The following CDH23 variants were observed in gnomAD, a reference collection of about 807,000 sequenced individuals.
CDH23 encodes cadherin-23.
A neutral mutation model predicts 317.1 loss-of-function variants in CDH23; 189 were observed. That is an observed-to-expected ratio of 0.60 (90% CI 0.53 to 0.67). The LOEUF (loss-of-function observed/expected upper bound fraction) is 0.67, where lower values mean the gene tolerates loss of function less well. Ranked by LOEUF, CDH23 falls within the 30% of genes least tolerant of loss-of-function variation. The pLI, the probability that CDH23 is intolerant of heterozygous loss-of-function variation, is 0.00. For missense variants in CDH23, 4,401 were observed against 4,592.4 expected, an observed-to-expected ratio of 0.96 and a Z score of 1.20; for synonymous variants, 1,839 against 1,876.8, an observed-to-expected ratio of 0.98 and a Z score of 0.52.
intron 24 of CDH23, among the ~76,000 whole-genome samples, chr10:71,703,445 A>C (rs1865666260): frequency 6.6e-6 from 1 of 152,210 alleles, no homozygotes; most frequent in Non-Finnish European, 1.5e-5. Context: ...CATCTGTGAA[A>C]TGGAGATAAT....
At position 71,475,917 on chromosome 10, in the gene CDH23, A is replaced by G. The variant is rs147393360; in HGVS notation, c.145+29522A>G. Among the ~76,000 whole-genome samples, 144 of 152,312 alleles carry G rather than the reference A, an allele frequency of 9.5e-4. 1 individual carries two copies. The highest frequency in any genetic ancestry group is 3.3e-3 in the African/African-American group (137 of 41,570). ...TCTCTGGCTCCATTTCCCATCTGCC[A>G]TGTGGCCTAGGCAGGTTGGCTGCCC... On this transcript the variant is annotated intron_variant, in intron 3 of 69. Transcript: ENST00000224721.
chr10:71,483,898 A>G (rs1336422049), intron 3 of CDH23, among the ~76,000 whole-genome samples: 1 of 151,728 alleles, frequency 6.6e-6, no homozygotes, highest in Non-Finnish European at 1.5e-5. Flanking sequence ...CCCCACACAC[A>G]TGTGCCTGTG....
chr10:71,812,237 C>A, intron 66 of CDH23: 1 of 1,597,192 alleles, frequency 6.3e-7, no homozygotes. Flanking sequence ...GGGATGCAGA[C>A]TTTGGGCAGT....
chr10:71,513,041 A>G (rs1564625288), intron 6 of CDH23, among the ~76,000 whole-genome samples: 1 of 152,154 alleles, frequency 6.6e-6, no homozygotes, highest in Non-Finnish European at 1.5e-5. Context: ...TAATAAAAAC[A>G]AAGGGCAGGT....
At chr10:71,634,666 G>A (rs946608663) in intron 11 of CDH23, among the ~76,000 whole-genome samples, 7 of 152,258 alleles carry the variant, frequency 4.6e-5, no homozygotes, top group African/African-American at 7.2e-5. Context: ...CCCTGGGATC[G>A]TGGGAGGCTG....
chr10:71,788,654 A>G (rs1841163045), intron 44 of CDH23, among the ~76,000 whole-genome samples: 2 of 151,700 alleles, frequency 1.3e-5, no homozygotes, highest in Admixed American at 6.6e-5. Flanking sequence ...ACGGGGTTTC[A>G]CCATGTTAGC....
intron 6 of CDH23, among the ~76,000 whole-genome samples, chr10:71,544,294 G>A (rs778868430): frequency 3.9e-5 from 6 of 152,178 alleles, no homozygotes; most frequent in South Asian, 4.1e-4. Flanking sequence ...CCAGTGGACC[G>A]AGAGAGTGGG....
chr10:71,629,636 G>A (rs1861910463), intron 11 of CDH23, among the ~76,000 whole-genome samples: 1 of 152,240 alleles, frequency 6.6e-6, no homozygotes, highest in Non-Finnish European at 1.5e-5. Flanking sequence ...TGAATGTGAT[G>A]CCTTCATGCG....
chr10:71,804,805 G>T (rs1412781637), intron 55 of CDH23, among the ~76,000 whole-genome samples: 2 of 152,050 alleles, frequency 1.3e-5, no homozygotes, highest in African/African-American at 4.8e-5. Flanking sequence ...TTTTTAACTT[G>T]ATCAATCTTG....
chr10:71,743,549 A>G (rs7090948), intron 38 of CDH23, among the ~76,000 whole-genome samples: 5,107 of 152,302 alleles, frequency 0.034, 304 homozygotes, highest in African/African-American at 0.12. Flanking sequence ...CCATGGCTGC[A>G]CAGTGTCATC....
chr10:71,742,318 G>A (rs1232492902), intron 38 of CDH23, among the ~76,000 whole-genome samples: 2 of 152,224 alleles, frequency 1.3e-5, no homozygotes, highest in African/African-American at 4.8e-5. Flanking sequence ...GCATGGTGGT[G>A]TCTTACAGAA....
At chr10:71,687,264 A>G (rs192787613) in intron 18 of CDH23, among the ~76,000 whole-genome samples, 91 of 152,272 alleles carry the variant, frequency 6.0e-4, no homozygotes, top group Non-Finnish European at 9.4e-4. Flanking sequence ...CAGGGGTCCA[A>G]GTGGGCATCC....
chr10:71,589,405 A>G (rs1310772550), intron 9 of CDH23, among the ~76,000 whole-genome samples: 3 of 152,232 alleles, frequency 2.0e-5, no homozygotes, highest in African/African-American at 7.2e-5. Flanking sequence ...GGCGTGAGCC[A>G]CCGTGCCCAG....
chr10:71,559,431 C>T (rs1396219163), intron 6 of CDH23, among the ~76,000 whole-genome samples: 1 of 152,004 alleles, frequency 6.6e-6, no homozygotes, highest in South Asian at 2.1e-4. Flanking sequence ...AAAGAGGTAT[C>T]CAAGGTAAAT....
Position 71,510,107 on chromosome 10 carries a change from C to G in CDH23, c.171C>G (p.Ala57=). The part of the protein sequence containing the change: ...PVGSSVTQLL[A]QDMDNDPLVF... ...GTTCTTCTGTGACCCAGTTGCTGGC[C>G]CAAGACATGGACAATGACCCCCTGG... The change falls in exon 4 of 70, where the codon GCC becomes GCG. Residue 57 remains alanine, a synonymous_variant. Coordinates refer to ENST00000224721, the MANE Select transcript of CDH23 (RefSeq NM_022124.6). The G allele has an allele frequency of 6.2e-7, 1 of 1,613,974 alleles. No individual in the cohort carries two copies. Among genetic ancestry groups the G allele is most frequent in the Non-Finnish European group, 8.5e-7 (1 of 1,179,886 alleles).
intron 9 of CDH23, among the ~76,000 whole-genome samples, chr10:71,586,586 C>T (rs1465850190): frequency 1.3e-5 from 2 of 152,114 alleles, no homozygotes; most frequent in Admixed American, 6.5e-5. Flanking sequence ...CTTACCCACA[C>T]CTTATTCATA....
chr10:71,701,993 A>G lies in CDH23; in HGVS notation c.2398-29A>G, dbSNP rs756132147. On this transcript the variant is annotated intron_variant, in intron 22 of 69. Transcript: ENST00000224721. The stretch of plus-strand genomic sequence containing the variant: ...GAGACACCCTCCCCAGGCGCGGCTC[A>G]GTGAAGGGGTCTGCTCCCTCCCGGG... The G allele has an allele frequency of 1.8e-5, 29 of 1,611,080 alleles. 1 individual carries two copies. The highest frequency in any genetic ancestry group is 3.3e-4 in the Middle Eastern group (2 of 6,072).
chr10:71,593,022 G>T (rs1224184182), intron 9 of CDH23, among the ~76,000 whole-genome samples: 1 of 152,262 alleles, frequency 6.6e-6, no homozygotes, highest in Non-Finnish European at 1.5e-5. Flanking sequence ...CACAAGCCGT[G>T]GGAGCTGGCA....
Position 71,459,468 on chromosome 10 carries a change from G to A in CDH23, c.145+13073G>A, listed in dbSNP as rs529931626. On this transcript the variant is annotated intron_variant, in intron 3 of 69. Coordinates refer to ENST00000224721, the MANE Select transcript of CDH23 (RefSeq NM_022124.6). ...TATTATTTGCGGTGGTGCTGTTGTCGGCCAGTGCTTTTCCCAACTAGGTGA... is the reference window on the plus strand; with the variant it reads ...TATTATTTGCGGTGGTGCTGTTGTCAGCCAGTGCTTTTCCCAACTAGGTGA... Among the ~76,000 whole-genome samples the A allele has an allele frequency of 3.9e-5, 6 of 152,114 alleles. No individual in the cohort carries two copies. The South Asian group carries it at 6.2e-4, about 16-fold the overall frequency.
Sources: gnomAD v4.1 joint callset for allele counts (sites outside exome capture counted in the v4.1 genomes callset) on GRCh38, gnomAD v4.1.1 for gene constraint, MANE v1.5 for transcripts, NCBI Gene and HGNC (gene_info 2026-07-23, HGNC 2026-07-21) for gene names.